Variants in CECR2 observed in about 807,000 individuals in gnomAD.
CECR2 encodes the protein CECR2 histone acetyl-lysine reader.
A neutral mutation model predicts 154.5 loss-of-function variants in CECR2; 30 were observed. That is an observed-to-expected ratio of 0.19 (90% confidence interval 0.15 to 0.26). The LOEUF is 0.26. Among genes scored for constraint, CECR2 ranks in the 10% least tolerant of loss-of-function variants. The pLI is 1.00. For synonymous variants in CECR2, 725 were observed against 683.7 expected (o/e 1.06, Z -0.94); for missense variants, 1,743 against 1,829.3 (o/e 0.95, Z 0.86).
chr22:17,364,518 A>T (rs1202065683), upstream of CECR2, among the ~76,000 whole-genome samples: 4 of 152,078 alleles, frequency 2.6e-5, no homozygotes, highest in Non-Finnish European at 2.9e-5. Flanking sequence ...GGCAATTTAA[A>T]TAGAAGAGAG....
intron 16 of CECR2, among the ~76,000 whole-genome samples, chr22:17,547,139 G>A (rs575045496): frequency 2.6e-5 from 4 of 151,568 alleles, no homozygotes; most frequent in African/African-American, 7.3e-5. Flanking sequence ...TTTTTAGGTC[G>A]AATAGTAAGT....
intron 1 of CECR2, among the ~76,000 whole-genome samples, chr22:17,416,187 G>C (rs977523634): frequency 1.3e-5 from 2 of 152,070 alleles, no homozygotes; most frequent in African/African-American, 4.8e-5. Context: ...AAATATGTTC[G>C]CATATATAGA....
intron 2 of CECR2, among the ~76,000 whole-genome samples, chr22:17,487,912 C>T (rs916967713): frequency 4.6e-5 from 7 of 151,854 alleles, no homozygotes; most frequent in African/African-American, 1.2e-4. Flanking sequence ...AGAGAAGTCT[C>T]GCTCTTGTCC....
chr22:17,513,538 C>T lies in CECR2; in HGVS notation c.954+1642C>T, dbSNP rs141431419. On this transcript the variant is annotated intron_variant, in intron 8 of 18. Coordinates refer to ENST00000262608, the MANE Select transcript of CECR2 (RefSeq NM_001290047.2). ...TATTTACTTCAGTATATTTTGATTT[C>T]ACATCTGTCTCTTTTTAACTCAGAG... 2.0e-3 allele frequency among the ~76,000 whole-genome samples: 303 copies of T among 152,302 alleles called. 2 individuals carry two copies. The highest frequency in any genetic ancestry group is 7.0e-3 in the African/African-American group (291 of 41,546).
chr22:17,511,803 C>G lies in CECR2; in HGVS notation c.871-10C>G, dbSNP rs376311056. 6.8e-5 allele frequency: 109 copies of G among 1,608,072 alleles called. No homozygotes were observed. The African/African-American group carries it at 1.4e-3, about 20-fold the overall frequency. Reference sequence around the variant, plus strand: ...ATCTTTTCCTTTCTCTTCTTCACTTCTAACTATAGGGAAAACGTCCACAGC... The same window carrying G: ...ATCTTTTCCTTTCTCTTCTTCACTTGTAACTATAGGGAAAACGTCCACAGC... On this transcript the variant is annotated splice_polypyrimidine_tract_variant and intron_variant, in intron 7 of 18. Coordinates refer to ENST00000262608, the MANE Select transcript of CECR2 (RefSeq NM_001290047.2).
chr22:17,490,595 C>T lies in CECR2; in HGVS notation c.222-6808C>T, dbSNP rs550805610. ...GATTACAGGTGCATGCCACCACGCCCGGCTAATTTTTTTTTTATTTTTATT... is the reference window on the plus strand; with the variant it reads ...GATTACAGGTGCATGCCACCACGCCTGGCTAATTTTTTTTTTATTTTTATT... On this transcript the variant is annotated intron_variant, in intron 2 of 18. Transcript: ENST00000262608. Among the ~76,000 whole-genome samples, 43 of 151,846 alleles carry T rather than the reference C, an allele frequency of 2.8e-4. No individual in the cohort carries two copies. In the South Asian group the frequency reaches 8.4e-3, roughly 30 times the overall value.
At chr22:17,481,390 C>T (rs1010173716) in intron 2 of CECR2, among the ~76,000 whole-genome samples, 5 of 149,634 alleles carry the variant, frequency 3.3e-5, no homozygotes, top group East Asian at 2.0e-4. Flanking sequence ...GTGCATAATT[C>T]GCCTCATCTA....
At chr22:17,497,676 C>A in intron 3 of CECR2, 90 bp downstream of exon 3, 1 of 1,314,290 alleles carries the variant, frequency 7.6e-7, no homozygotes, top group South Asian at 1.3e-5. Context: ...GATACTAAGC[C>A]AGAGTTTGGC....
rs374991571 is a variant in CECR2, at chr22:17,542,856, C to A, written c.2713C>A (p.His905Asn). ...CCCCCCAGGTGTGCCTTACCACCCC[C>A]ACCAGCCTGCACACCCCCGTTTACC... ...VCPPGVPYHP[H>N]QPAHPRLPGP... The change falls in exon 16 of 19, where the codon CAC becomes AAC. Residue 905 changes from histidine (H) to asparagine (N), a missense_variant. His to Asn is a moderately conservative substitution (Grantham distance 68). Transcript: ENST00000262608. 6.2e-7 allele frequency: 1 copy of A among 1,613,728 alleles called. No individual in the cohort carries two copies. Among genetic ancestry groups the A allele is most frequent in the Non-Finnish European group, 8.5e-7 (1 of 1,179,778 alleles).
At chr22:17,538,923 G>C (rs1555929946) in intron 12 of CECR2, 70 bp from the exon 13 acceptor site, 12 of 1,486,346 alleles carry the variant, frequency 8.1e-6, no homozygotes, top group East Asian at 2.3e-5. Context: ...TTATCTCTCT[G>C]TCTCTCTCTC....
intron 1 of CECR2, among the ~76,000 whole-genome samples, chr22:17,421,788 G>A (rs558581981): frequency 1.3e-4 from 19 of 150,684 alleles, no homozygotes; most frequent in African/African-American, 4.1e-4. Context: ...GCGAGACTCC[G>A]TCTTGCACTG....
At chr22:17,381,584 A>G (rs576087466) in intron 1 of CECR2, among the ~76,000 whole-genome samples, 1 of 152,258 alleles carries the variant, frequency 6.6e-6, no homozygotes, top group East Asian at 1.9e-4. Flanking sequence ...AAAATCTCAA[A>G]ACCCAATCAG....
At chr22:17,399,957 T>C (rs1163407729) in intron 1 of CECR2, among the ~76,000 whole-genome samples, 5 of 152,340 alleles carry the variant, frequency 3.3e-5, no homozygotes, top group South Asian at 4.1e-4. Context: ...TCACATGATA[T>C]GGTTTTTCAT....
At chr22:17,430,937 T>A (rs1397359238) in intron 1 of CECR2, among the ~76,000 whole-genome samples, 1 of 152,206 alleles carries the variant, frequency 6.6e-6, no homozygotes, top group Non-Finnish European at 1.5e-5. Flanking sequence ...ACTCTGTTAG[T>A]TTTATTTGAT....
intron 1 of CECR2, among the ~76,000 whole-genome samples, chr22:17,455,342 T>G (rs528613435): frequency 6.6e-6 from 1 of 152,338 alleles, no homozygotes; most frequent in East Asian, 1.9e-4. Context: ...TACTATTTAT[T>G]CCTCCTAATT....
intron 1 of CECR2, among the ~76,000 whole-genome samples, chr22:17,372,775 G>C (rs537817395): frequency 6.6e-6 from 1 of 152,118 alleles, no homozygotes; most frequent in Non-Finnish European, 1.5e-5. Flanking sequence ...AACTTTAAAA[G>C]GTAAAAATGA....
At chr22:17,523,769 A>AAG (rs1555925892) in intron 8 of CECR2, among the ~76,000 whole-genome samples, 3,069 of 151,076 alleles carry the variant, frequency 0.02, 110 homozygotes, top group African/African-American at 0.072. Context: ...AAAAAAAAAA[A>AAG]AAAAAAGAAA....
At chr22:17,527,769 C>CAA (rs3079565) in intron 9 of CECR2, among the ~76,000 whole-genome samples, 7 of 89,918 alleles carry the variant, frequency 7.8e-5, no homozygotes, top group South Asian at 4.7e-4. Flanking sequence ...GATTCTGTCT[C>CAA]AAAAAAAAAA....
At chr22:17,412,398 GC>G (rs1440627365) in intron 1 of CECR2, among the ~76,000 whole-genome samples, 2 of 151,932 alleles carry the variant, frequency 1.3e-5, no homozygotes, top group East Asian at 3.9e-4. Flanking sequence ...TTCATTCCCC[GC>G]CCCACCCCCA....
Sources: allele counts gnomAD v4.1 joint callset (sites outside exome capture counted in the v4.1 genomes callset), GRCh38; gene constraint gnomAD v4.1.1; transcripts MANE v1.5; gene names NCBI Gene and HGNC (gene_info 2026-07-23, HGNC 2026-07-21).